Variants in WDR27 observed in about 807,000 individuals in gnomAD.
The protein encoded by WDR27 is WD repeat domain 27, also known as WD repeat-containing protein 27.
Under a neutral mutation model 114.4 loss-of-function variants are expected in WDR27, and 100 were observed. The observed-to-expected ratio is 0.87, with a 90% CI of 0.74 to 1.03. The LOEUF (loss-of-function observed/expected upper bound fraction) is 1.03, where lower values mean the gene tolerates loss of function less well. Among genes scored for constraint, WDR27 ranks in the 50% least tolerant of loss-of-function variants. The pLI is 0.00. For missense variants in WDR27, 1,129 were observed against 1,092.9 expected, an observed-to-expected ratio of 1.03 and a Z score of -0.47; for synonymous variants, 449 against 423.1, an observed-to-expected ratio of 1.06 and a Z score of -0.75.
intron 24 of WDR27, among the ~76,000 whole-genome samples, chr6:169,579,126 A>G (rs759174681): frequency 1.3e-5 from 2 of 152,202 alleles, no homozygotes; most frequent in Non-Finnish European, 2.9e-5. Flanking sequence ...ACAACAGTCA[A>G]TAGTGAACTG....
At chr6:169,648,048 A>G (rs1821250457) in intron 15 of WDR27, among the ~76,000 whole-genome samples, 178 bp from the exon 16 acceptor site, 4 of 152,344 alleles carry the variant, frequency 2.6e-5, no homozygotes, top group Admixed American at 2.6e-4. Flanking sequence ...ATCAGGAAAT[A>G]ACTCTTTTAA....
intron 1 of WDR27, among the ~76,000 whole-genome samples, chr6:169,697,855 G>A (rs930069671): frequency 3.9e-5 from 6 of 152,118 alleles, no homozygotes; most frequent in Non-Finnish European, 2.9e-5. Context: ...ACCGGTCTCC[G>A]TGACTTGGTG....
intron 2 of WDR27, among the ~76,000 whole-genome samples, chr6:169,680,865 T>C (rs906719389): frequency 6.6e-6 from 1 of 152,178 alleles, no homozygotes; most frequent in Non-Finnish European, 1.5e-5. Context: ...GGACATAAAA[T>C]ATACTAAACA....
intron 13 of WDR27, among the ~76,000 whole-genome samples, chr6:169,652,526 C>A (rs1460346824): frequency 6.6e-6 from 1 of 152,336 alleles, no homozygotes; most frequent in East Asian, 1.9e-4. Context: ...GGATTACAGG[C>A]GTGAGCCACT....
chr6:169,570,294 A>G (rs925110483), intron 25 of WDR27, among the ~76,000 whole-genome samples: 4 of 152,186 alleles, frequency 2.6e-5, no homozygotes, highest in African/African-American at 9.7e-5. Flanking sequence ...ACTAAAACAG[A>G]AATGAAAAAC....
At chr6:169,482,075 T>C (rs1788233902) in intron 25 of WDR27, among the ~76,000 whole-genome samples, 1 of 152,266 alleles carries the variant, frequency 6.6e-6, no homozygotes, top group Admixed American at 6.5e-5. Flanking sequence ...TGCATCAGTT[T>C]GCTAAGGATA....
chr6:169,679,242 C>T (rs574458394), intron 2 of WDR27, among the ~76,000 whole-genome samples: 8 of 152,322 alleles, frequency 5.3e-5, no homozygotes, highest in East Asian at 3.9e-4. Flanking sequence ...CTTGGGCACA[C>T]GTTCTCAGGA....
In WDR27 at chr6:169,636,448, G is replaced by A; in HGVS notation, c.1926C>T (p.Ala642=). ...CAGGGCCAGAAGATAACAATATAAA[G>A]GCATCTATATAATAGAACTGTGCAG... ...IQSAQFYYID[A]FILLSSGPEF... Residue 642 remains alanine (A), a synonymous_variant, in exon 19 of 26, where the codon GCC becomes GCT. Coordinates refer to ENST00000448612, the MANE Select transcript of WDR27 (RefSeq NM_182552.5). 1.9e-6 allele frequency: 3 copies of A among 1,613,774 alleles called. No homozygotes were observed. The highest frequency in any genetic ancestry group is 1.3e-5 in the African/African-American group (1 of 75,012).
chr6:169,442,332 A>T, the WDR27 span, among the ~76,000 whole-genome samples: 2 of 152,244 alleles, frequency 1.3e-5, no homozygotes, highest in South Asian at 2.1e-4. Flanking sequence ...GATTACTGGA[A>T]ACAATAAACC....
chr6:169,591,988 T>TAC lies in WDR27; in HGVS notation c.2425-9056_2425-9055dup, dbSNP rs1805831563. Among the ~76,000 whole-genome samples, 3 of 151,812 alleles carry TAC rather than the reference T, an allele frequency of 2.0e-5. No individual in the cohort carries two copies. The South Asian group carries it at 6.3e-4, about 32-fold the overall frequency. On this transcript the variant is annotated intron_variant, in intron 23 of 25. Coordinates refer to ENST00000448612, the MANE Select transcript of WDR27 (RefSeq NM_182552.5). ...CGGCATTTAGAGGTTGCAAAGAGGGTACTAAGGGTGATGGCTGGAATGTCA... is the reference window on the plus strand; with the variant it reads ...CGGCATTTAGAGGTTGCAAAGAGGGTACACTAAGGGTGATGGCTGGAATGTCA...
At chr6:169,577,490 G>A (rs1802590105) in intron 24 of WDR27, among the ~76,000 whole-genome samples, 4 of 152,208 alleles carry the variant, frequency 2.6e-5, no homozygotes, top group East Asian at 3.9e-4. Flanking sequence ...ACAGCGGGCA[G>A]GATAAGGACA....
At chr6:169,509,761 A>G (rs1330372186) in intron 25 of WDR27, among the ~76,000 whole-genome samples, 2 of 152,326 alleles carry the variant, frequency 1.3e-5, no homozygotes, top group East Asian at 3.9e-4. Context: ...AGTGGCAACA[A>G]AAGCCAAAAT....
intron 2 of WDR27, among the ~76,000 whole-genome samples, chr6:169,677,216 T>C (rs942182884): frequency 2.0e-4 from 30 of 152,136 alleles, no homozygotes; most frequent in African/African-American, 7.0e-4. Flanking sequence ...ACACTGATAG[T>C]GGTAAAGACA....
chr6:169,468,643 A>G (rs973967506), intron 25 of WDR27, among the ~76,000 whole-genome samples: 1 of 152,226 alleles, frequency 6.6e-6, no homozygotes, highest in Non-Finnish European at 1.5e-5. Context: ...CAGCAAAATC[A>G]TATCAGCTGT....
intron 2 of WDR27, among the ~76,000 whole-genome samples, chr6:169,675,381 C>A (rs998395782): frequency 6.6e-6 from 1 of 152,172 alleles, no homozygotes; most frequent in African/African-American, 2.4e-5. Flanking sequence ...GAGGCCCTCA[C>A]CAGAAGCCAA....
At chr6:169,652,848 C>A (rs1339596135) in intron 13 of WDR27, among the ~76,000 whole-genome samples, 1 of 152,162 alleles carries the variant, frequency 6.6e-6, no homozygotes, top group Non-Finnish European at 1.5e-5. Flanking sequence ...TCGTTAGTTG[C>A]GAACCACAGT....
chr6:169,643,892 T>C lies in WDR27; in HGVS notation c.1658-106A>G, dbSNP rs899477798. 1.2e-5 allele frequency: 10 copies of C among 823,130 alleles called. No homozygotes were observed. In the Admixed American group the frequency reaches 2.8e-4, roughly 23 times the overall value. 51.0% of individuals were successfully genotyped at this position (823,130 alleles called of 1,614,324 possible). On this transcript the variant is annotated intron_variant, in intron 16 of 25. Coordinates refer to ENST00000448612, the MANE Select transcript of WDR27 (RefSeq NM_182552.5). ...GGAGTCACACTGTAGAAAATCCCAG[T>C]TCATACAAGTCACACTGTAGAAAAG...
intron 25 of WDR27, among the ~76,000 whole-genome samples, chr6:169,462,477 G>A (rs1785026811): frequency 7.0e-6 from 1 of 143,108 alleles, no homozygotes; most frequent in Non-Finnish European, 1.5e-5. Context: ...GGAGGAGAGG[G>A]GGGAGAGAGA....
chr6:169,564,347 T>C (rs1274132555), intron 25 of WDR27, among the ~76,000 whole-genome samples: 1 of 152,180 alleles, frequency 6.6e-6, no homozygotes, highest in South Asian at 2.1e-4. Flanking sequence ...TGGGCCTGCC[T>C]TTCCCAGCTC....
Sources: gnomAD v4.1 joint callset for allele counts (sites outside exome capture counted in the v4.1 genomes callset) on GRCh38, gnomAD v4.1.1 for gene constraint, MANE v1.5 for transcripts, NCBI Gene and HGNC (gene_info 2026-07-23, HGNC 2026-07-21) for gene names.